Variants in NHEJ1 observed in about 807,000 individuals in gnomAD.
NHEJ1 encodes the protein non-homologous end joining factor 1.
In NHEJ1, 22 loss-of-function variants were observed where a neutral mutation model predicts 39.4. The observed-to-expected ratio is 0.56, with a 90% CI of 0.40 to 0.80. NHEJ1 has a LOEUF of 0.80. Among genes scored for constraint, NHEJ1 ranks in the 30% least tolerant of loss-of-function variants. The pLI, the probability that NHEJ1 is intolerant of heterozygous loss-of-function variation, is 0.00. For synonymous variants in NHEJ1, 154 were observed against 135.6 expected, an observed-to-expected ratio of 1.14 and a Z score of -0.94; for missense variants, 329 against 357.1, an observed-to-expected ratio of 0.92 and a Z score of 0.63.
intron 5 of NHEJ1, among the ~76,000 whole-genome samples, chr2:219,113,900 G>A (rs758754365): frequency 2.0e-5 from 3 of 152,068 alleles, no homozygotes; most frequent in Non-Finnish European, 2.9e-5. Context: ...CAGCAACAAC[G>A]CTCACAGGAG....
intron 5 of NHEJ1, among the ~76,000 whole-genome samples, chr2:219,130,560 A>G (rs1949568582): frequency 6.6e-6 from 1 of 152,212 alleles, no homozygotes; most frequent in Non-Finnish European, 1.5e-5. Flanking sequence ...AAGAAAAGAA[A>G]GTTATGAGTT....
Position 219,076,311 on chromosome 2 carries a change from A to C in NHEJ1, c.*70T>G, listed in dbSNP as rs1189385411. ...TATTTTAGAAATATTGCTGCCATGT[A>C]AGCTTCTTTCAAGGTGAAGCTTGGA... On this transcript the variant is annotated 3_prime_UTR_variant, in exon 8 of 8. Transcript: ENST00000356853. The C allele has an allele frequency of 6.2e-7, 1 of 1,613,764 alleles. No individual in the cohort carries two copies. Among genetic ancestry groups the C allele is most frequent in the East Asian group, 2.2e-5 (1 of 44,872 alleles).
At chr2:219,105,740 A>C (rs1949307494) in intron 5 of NHEJ1, among the ~76,000 whole-genome samples, 1 of 152,168 alleles carries the variant, frequency 6.6e-6, no homozygotes, top group African/African-American at 2.4e-5. Context: ...TCTTCCTTAA[A>C]GTCTTCCCTG....
In NHEJ1 at chr2:219,075,397, G is replaced by A. The variant is rs1417616123; in HGVS notation, c.*984C>T. On this transcript the variant is annotated 3_prime_UTR_variant, in exon 8 of 8. Transcript: ENST00000356853. ...CGAGACTTGACATCAGGACAGAAAC[G>A]CCAGTATATATACAGGATATTTGAA... 2.6e-5 allele frequency: 4 copies of A among 152,092 alleles called. No individual in the cohort carries two copies. The highest frequency in any genetic ancestry group is 7.2e-5 in the African/African-American group (3 of 41,428). The allele number at this position is 152,092 out of a possible 1,614,324, so 9.4% of individuals were successfully genotyped here.
chr2:219,147,537 G>T, intron 4 of NHEJ1, 120 bp downstream of exon 4: 2 of 1,206,356 alleles, frequency 1.7e-6, no homozygotes, highest in Non-Finnish European at 1.2e-6. Context: ...TTTCTGGTTA[G>T]TATTCAGCAC....
rs538888553 is a variant in NHEJ1 at position 219,117,155 on chromosome 2, C to T, written c.588+29525G>A. On this transcript the variant is annotated intron_variant, in intron 5 of 7. Coordinates refer to ENST00000356853, the MANE Select transcript of NHEJ1 (RefSeq NM_024782.3). Reference sequence around the variant, plus strand: ...TTACAAGCCTCCCAGCCCTGCAGACCATTATAAAAGCTGTCTGTGCTACTG... The same window carrying T: ...TTACAAGCCTCCCAGCCCTGCAGACTATTATAAAAGCTGTCTGTGCTACTG... Among the ~76,000 whole-genome samples, 5 of 152,232 alleles carry T rather than the reference C, an allele frequency of 3.3e-5. No homozygotes were observed. In the South Asian group the frequency reaches 1.0e-3, roughly 32 times the overall value.
chr2:219,127,369 C>T (rs1949535610), intron 5 of NHEJ1, among the ~76,000 whole-genome samples: 1 of 152,102 alleles, frequency 6.6e-6, no homozygotes, highest in Non-Finnish European at 1.5e-5. Context: ...CCCCTTACTC[C>T]TCCCTCTTTC....
intron 5 of NHEJ1, among the ~76,000 whole-genome samples, chr2:219,145,566 C>T (rs1049573915): frequency 2.0e-5 from 3 of 151,988 alleles, no homozygotes; most frequent in Admixed American, 1.3e-4. Context: ...ATAATCTATA[C>T]ATAATACCAG....
rs181739428 is a variant in NHEJ1, at chr2:219,103,555, C to T, written c.589-25349G>A. On this transcript the variant is annotated intron_variant, in intron 5 of 7. Coordinates refer to ENST00000356853, the MANE Select transcript of NHEJ1 (RefSeq NM_024782.3). ...CCTCCCAAAGTGCTGGGATTACAGG[C>T]GTGAGCCACCATGCCTGACCACCAT... Among the ~76,000 whole-genome samples the T allele has an allele frequency of 2.6e-3, 399 of 152,272 alleles. 2 individuals carry two copies. Among genetic ancestry groups the T allele is most frequent in the Middle Eastern group, 0.01 (3 of 294 alleles).
At chr2:219,117,399 C>T (rs1273555472) in intron 5 of NHEJ1, among the ~76,000 whole-genome samples, 1 of 152,208 alleles carries the variant, frequency 6.6e-6, no homozygotes, top group Non-Finnish European at 1.5e-5. Flanking sequence ...CAGTGAGCTA[C>T]CTTCTTGCCT....
chr2:219,150,905 G>A (rs1175792011), intron 3 of NHEJ1, among the ~76,000 whole-genome samples: 2 of 151,658 alleles, frequency 1.3e-5, no homozygotes, highest in Admixed American at 6.6e-5. Flanking sequence ...GCAGTGAGCC[G>A]AGACTGCGCC....
chr2:219,127,361 C>A (rs1484861508), intron 5 of NHEJ1, among the ~76,000 whole-genome samples: 1 of 152,114 alleles, frequency 6.6e-6, no homozygotes, highest in African/African-American at 2.4e-5. Context: ...CAGTCAGTCC[C>A]CTTACTCCTC....
chr2:219,084,012 T>C (rs1949090228), intron 5 of NHEJ1, among the ~76,000 whole-genome samples: 1 of 151,378 alleles, frequency 6.6e-6, no homozygotes, highest in African/African-American at 2.4e-5. Context: ...CTTTGCTTTT[T>C]TTTTTTTTTT....
At chr2:219,150,583 G>A (rs1031195689) in intron 3 of NHEJ1, among the ~76,000 whole-genome samples, 1 of 152,242 alleles carries the variant, frequency 6.6e-6, no homozygotes, top group Non-Finnish European at 1.5e-5. Context: ...ATTTTGGGAG[G>A]CCAAGGCAGG....
chr2:219,112,441 C>T (rs1182911840), intron 5 of NHEJ1, among the ~76,000 whole-genome samples: 1 of 152,180 alleles, frequency 6.6e-6, no homozygotes, highest in Non-Finnish European at 1.5e-5. Flanking sequence ...TTCCAGCTAA[C>T]TGTGCCTTTT....
intron 1 of NHEJ1, chr2:219,158,678 C>T (rs933871481): frequency 2.5e-6 from 1 of 397,854 alleles, no homozygotes; most frequent in Non-Finnish European, 4.7e-6. Context: ...AATACTATAA[C>T]ATAACGTGGA....
intron 5 of NHEJ1, among the ~76,000 whole-genome samples, chr2:219,117,134 A>C (rs1487318536): frequency 6.6e-6 from 1 of 151,934 alleles, no homozygotes; most frequent in Non-Finnish European, 1.5e-5. Context: ...TCGCCTTTAC[A>C]AGCCTCCCAG....
At chr2:219,076,865 T>C (rs1949018831) in intron 7 of NHEJ1, among the ~76,000 whole-genome samples, 1 of 152,152 alleles carries the variant, frequency 6.6e-6, no homozygotes, top group African/African-American at 2.4e-5. Flanking sequence ...TCAGGAAGTG[T>C]CTGACATAGG....
At chr2:219,077,483 C>G (rs1949025501) in intron 6 of NHEJ1, 119 bp from the exon 7 acceptor site, 1 of 817,660 alleles carries the variant, frequency 1.2e-6, no homozygotes. Context: ...TATAAGCAGA[C>G]AGAAGTAGCC....
Sources: gnomAD v4.1 joint callset for allele counts (sites outside exome capture counted in the v4.1 genomes callset) on GRCh38, gnomAD v4.1.1 for gene constraint, MANE v1.5 for transcripts, NCBI Gene and HGNC (gene_info 2026-07-23, HGNC 2026-07-21) for gene names.